Variants in SH3TC2 observed in about 807,000 individuals in gnomAD.
SH3TC2 encodes SH3 domain and tetratricopeptide repeats 2.
SH3TC2 carries 87 observed loss-of-function variants against 124.5 expected under a neutral mutation model. The ratio of observed to expected loss-of-function variants is 0.70; its 90% CI spans 0.59 to 0.84. SH3TC2 has a LOEUF of 0.84. Ranked by LOEUF, SH3TC2 falls within the 40% of genes least tolerant of loss-of-function variation. The pLI is 0.00. For synonymous variants in SH3TC2, 634 were observed against 628.5 expected (o/e 1.01, Z -0.13); for missense variants, 1,536 against 1,566.4 (o/e 0.98, Z 0.33).
At position 149,052,718 on chromosome 5, in the gene SH3TC2, G is replaced by T. The variant is rs528945081; in HGVS notation, c.53-478C>A. Among the ~76,000 whole-genome samples, 5 of 152,286 alleles carry T rather than the reference G, an allele frequency of 3.3e-5. No homozygotes were observed. The South Asian group carries it at 1.0e-3, about 32-fold the overall frequency. Reference sequence around the variant, plus strand: ...AGCTGTCCTGTCTGCCCCTTAAATAGGGTCCTGTCAGGCCTGTCTTTCTTC... The same window carrying T: ...AGCTGTCCTGTCTGCCCCTTAAATATGGTCCTGTCAGGCCTGTCTTTCTTC... On this transcript the variant is annotated intron_variant, in intron 1 of 16. Transcript: ENST00000515425.
At chr5:149,062,249 G>A (rs367934465) in intron 1 of SH3TC2, 2 of 461,174 alleles carry the variant, frequency 4.3e-6, no homozygotes, top group African/African-American at 4.1e-5. Flanking sequence ...CACTCATCCT[G>A]ATAAACACCA....
At chr5:149,061,180 A>T (rs1208528143) in intron 1 of SH3TC2, among the ~76,000 whole-genome samples, 1 of 152,228 alleles carries the variant, frequency 6.6e-6, no homozygotes, top group Non-Finnish European at 1.5e-5. Flanking sequence ...GTGAAAGAAT[A>T]AAGTAATTGA....
Position 149,027,581 on chromosome 5 carries a change from G to A in SH3TC2, c.2151C>T (p.Asn717=). ...PIWQVHLVLQ[N]TTKLLGFPSP... ...AAGGAAAGCCAAGGAGCTTGGTTGT[G>A]TTCTGGAGGACAAGGTGGACCTGCC... Residue 717 remains asparagine, a synonymous_variant, in exon 11 of 17, where the codon AAC becomes AAT. Transcript: ENST00000515425. The A allele has an allele frequency of 1.2e-6, 2 of 1,614,242 alleles. No individual in the cohort carries two copies. Among genetic ancestry groups the A allele is most frequent in the East Asian group, 2.2e-5 (1 of 44,882 alleles).
intron 12 of SH3TC2, among the ~76,000 whole-genome samples, chr5:149,021,395 A>G (rs1050968022): frequency 6.6e-6 from 1 of 152,120 alleles, no homozygotes; most frequent in African/African-American, 2.4e-5. Flanking sequence ...AGCAAAGTAA[A>G]CCCAAAGCAA....
rs1561770787 is a variant in SH3TC2, at chr5:149,044,623, A to G, written c.295T>C (p.Leu99=). The change falls in exon 4 of 17, where the codon TTG becomes CTG. Residue 99 remains leucine (L), a synonymous_variant. Coordinates refer to ENST00000515425, the MANE Select transcript of SH3TC2 (RefSeq NM_024577.4). ...RMLFKDLSAR[L]VSIQSQRAQF... is the part of the protein sequence containing the mutation. ...GCCCTCTGAGACTGGATACTGACCA[A>G]CCTTGCTGAGAGGTCCTACGTAAAG... is the stretch of plus-strand genomic sequence containing the variant. The G allele has an allele frequency of 1.2e-6, 2 of 1,614,018 alleles. No homozygotes were observed. The highest frequency in any genetic ancestry group is 1.7e-6 in the Non-Finnish European group (2 of 1,179,936).
intron 3 of SH3TC2, chr5:149,045,827 A>G (rs1239572868): frequency 3.3e-5 from 7 of 211,910 alleles, no homozygotes; most frequent in Non-Finnish European, 6.9e-5. Context: ...TTTGTATTTT[A>G]GTAGAGATGG....
rs1753316176 is a variant in SH3TC2 at position 148,985,368 on chromosome 5, G to C, written c.*19343C>G. ...CTCCATCACTTCAAACAATTTTCTT[G>C]TGTCTTTTTTCATCAATTCTTCCTC... On this transcript the variant is annotated 3_prime_UTR_variant, in exon 17 of 17. Coordinates refer to ENST00000515425, the MANE Select transcript of SH3TC2 (RefSeq NM_024577.4). Among the ~76,000 whole-genome samples, 1 of 152,080 alleles carries C rather than the reference G, an allele frequency of 6.6e-6. No individual in the cohort carries two copies. The highest frequency in any genetic ancestry group is 2.4e-5 in the African/African-American group (1 of 41,394).
chr5:149,000,808 T>C lies in SH3TC2; in HGVS notation c.*3903A>G, dbSNP rs750071171. Among the ~76,000 whole-genome samples the C allele has an allele frequency of 7.2e-5, 11 of 152,282 alleles. No homozygotes were observed. Among genetic ancestry groups the C allele is most frequent in the Non-Finnish European group, 1.0e-4 (7 of 68,018 alleles). On this transcript the variant is annotated 3_prime_UTR_variant, in exon 17 of 17. Coordinates refer to ENST00000515425, the MANE Select transcript of SH3TC2 (RefSeq NM_024577.4). Reference sequence around the variant, plus strand: ...GTCTGGGAGAAAGTTACCCTTCTGTTCCTCAGTTTACTCACCTGTAAAAAG... The same window carrying C: ...GTCTGGGAGAAAGTTACCCTTCTGTCCCTCAGTTTACTCACCTGTAAAAAG...
intron 15 of SH3TC2, chr5:149,007,526 A>T (rs997922787): frequency 1.4e-5 from 4 of 282,416 alleles, no homozygotes. Context: ...TCTGTATAAT[A>T]AATGTCTTCC....
chr5:149,009,043 C>A, intron 14 of SH3TC2, 42 bp from the exon 15 acceptor site: 1 of 1,613,470 alleles, frequency 6.2e-7, no homozygotes, highest in South Asian at 1.1e-5. Context: ...AGCTAGGAAT[C>A]CTCAGTGCAT....
rs1205442818 is a variant in SH3TC2 at position 148,982,332 on chromosome 5, C to T, written c.*22379G>A. 3.3e-5 allele frequency among the ~76,000 whole-genome samples: 5 copies of T among 152,260 alleles called. No homozygotes were observed. Among genetic ancestry groups the T allele is most frequent in the East Asian group, 1.9e-4 (1 of 5,184 alleles). The stretch of plus-strand genomic sequence containing the variant: ...AAGAGCATCATGAAGGGCCATTCAG[C>T]GTCTATCAAAACAACAAATGCATAT... On this transcript the variant is annotated 3_prime_UTR_variant, in exon 17 of 17. Coordinates refer to ENST00000515425, the MANE Select transcript of SH3TC2 (RefSeq NM_024577.4).
chr5:149,040,096 T>TTG lies in SH3TC2; in HGVS notation c.805+506_805+507dup, dbSNP rs761154028. Among the ~76,000 whole-genome samples, 44 of 151,792 alleles carry TTG rather than the reference T, an allele frequency of 2.9e-4. 1 individual carries two copies. The highest frequency in any genetic ancestry group is 1.2e-3 in the Admixed American group (19 of 15,232). On this transcript the variant is annotated intron_variant, in intron 7 of 16. Coordinates refer to ENST00000515425, the MANE Select transcript of SH3TC2 (RefSeq NM_024577.4). ...TATACACACATACAGATTACTTAAATTGTGTGTGTGTGTGTATATAATTCA... is the reference window on the plus strand; with the variant it reads ...TATACACACATACAGATTACTTAAATTGTGTGTGTGTGTGTGTATATAATTCA...
Position 149,026,543 on chromosome 5 carries a change from TTCTAGGACAG to T in SH3TC2, c.3053+19_3053+28del. ...TTTCTCCTTAAGGAAGGAAAGCTGC[TTCTAGGACAG>T]TTCCTGACCCTGACTCACCTGGCGG... is the stretch of plus-strand genomic sequence containing the variant. On this transcript the variant is annotated intron_variant, in intron 12 of 16. Coordinates refer to ENST00000515425, the MANE Select transcript of SH3TC2 (RefSeq NM_024577.4). The T allele has an allele frequency of 6.2e-7, 1 of 1,612,708 alleles. No homozygotes were observed. Among genetic ancestry groups the T allele is most frequent in the Non-Finnish European group, 8.5e-7 (1 of 1,179,764 alleles).
At chr5:149,039,049 G>A (rs188614317) in intron 7 of SH3TC2, among the ~76,000 whole-genome samples, 31 of 152,300 alleles carry the variant, frequency 2.0e-4, no homozygotes, top group Middle Eastern at 6.8e-3. Flanking sequence ...AGTGCACAAT[G>A]CCTGGTACCT....
chr5:149,027,616 G>A lies in SH3TC2; in HGVS notation c.2116C>T (p.Leu706Phe), dbSNP rs1317532477. The change falls in exon 11 of 17, where the codon CTT becomes TTT. Residue 706 changes from leucine (L) to phenylalanine (F), a missense_variant. Leu to Phe is a conservative substitution (Grantham distance 22, BLOSUM62 0). This residue lies in a region of SH3TC2 where 1,102 missense variants were observed against 1,098.6 expected (regional missense o/e 1.00). Coordinates refer to ENST00000515425, the MANE Select transcript of SH3TC2 (RefSeq NM_024577.4). ...ACAAGGTGGACCTGCCAAATAGGAA[G>A]AGACATCCCTTGGGCACTCTGGATA... ...HGIQSAQGMS[L>F]PIWQVHLVLQ... 1.2e-6 allele frequency: 2 copies of A among 1,614,270 alleles called. No homozygotes were observed. Among genetic ancestry groups the A allele is most frequent in the Non-Finnish European group, 8.5e-7 (1 of 1,180,044 alleles).
Position 149,004,539 on chromosome 5 carries a change from C to G in SH3TC2, c.*172G>C. The G allele has an allele frequency of 1.5e-6, 1 of 689,452 alleles. No individual in the cohort carries two copies. 42.7% of individuals were successfully genotyped at this position (689,452 alleles called of 1,614,324 possible). The stretch of plus-strand genomic sequence containing the variant: ...AATTCTCATCGCTGCACCATCAAAT[C>G]TTTCTGTGGCCTGCAATGAGCCCTT... On this transcript the variant is annotated 3_prime_UTR_variant, in exon 17 of 17. Transcript: ENST00000515425.
rs1170483880 is a variant in SH3TC2 at position 148,999,047 on chromosome 5, G to A, written c.*5664C>T. Among the ~76,000 whole-genome samples the A allele has an allele frequency of 6.6e-6, 1 of 152,176 alleles. No individual in the cohort carries two copies. Among genetic ancestry groups the A allele is most frequent in the Non-Finnish European group, 1.5e-5 (1 of 68,032 alleles). ...TTCATTGTGACAGCTACCACCAATT[G>A]ACATTCATACCAAGCCATCCATACA... On this transcript the variant is annotated 3_prime_UTR_variant, in exon 17 of 17. Transcript: ENST00000515425.
At chr5:149,058,915 G>A (rs1754698304) in intron 1 of SH3TC2, among the ~76,000 whole-genome samples, 1 of 152,162 alleles carries the variant, frequency 6.6e-6, no homozygotes, top group Admixed American at 6.5e-5. Flanking sequence ...GATAAGGAGA[G>A]AAAAGCACAA....
chr5:149,028,472 G>A lies in SH3TC2; in HGVS notation c.1260C>T (p.Ser420=). The change falls in exon 11 of 17, where the codon AGC becomes AGT. Residue 420 remains serine, a synonymous_variant. Transcript: ENST00000515425. ...CCTCCAGGCTGGAGTCCTCAGAGCT[G>A]CTGGACTGTCTGGACCCCACGGCCT... is the stretch of plus-strand genomic sequence containing the variant. ...EHQAVGSRQS[S]SSEDSSLEEE... 1 of 1,612,696 alleles carries A rather than the reference G, an allele frequency of 6.2e-7. No homozygotes were observed. The highest frequency in any genetic ancestry group is 1.7e-5 in the Admixed American group (1 of 59,946).
Sources: gnomAD v4.1 joint callset for allele counts (sites outside exome capture counted in the v4.1 genomes callset) on GRCh38, gnomAD v4.1.1 for gene constraint, gnomAD v4.1.1 regional missense constraint, MANE v1.5 for transcripts, NCBI Gene and HGNC (gene_info 2026-07-23, HGNC 2026-07-21) for gene names.